The following CACNA1E variants were observed in gnomAD, a reference collection of about 807,000 sequenced individuals.
CACNA1E encodes voltage-dependent R-type calcium channel subunit alpha-1E.
Under a neutral mutation model 259.2 loss-of-function variants are expected in CACNA1E, and 40 were observed. The observed-to-expected ratio is 0.15, with a 90% CI of 0.12 to 0.20. CACNA1E has a LOEUF of 0.20. Among genes scored for constraint, CACNA1E ranks in the 10% least tolerant of loss-of-function variants. The pLI is 1.00. For synonymous variants in CACNA1E, 1,104 were observed against 1,138.5 expected, an observed-to-expected ratio of 0.97 and a Z score of 0.61; for missense variants, 1,874 against 3,040.1, an observed-to-expected ratio of 0.62 and a Z score of 9.02.
At position 181,367,059 on chromosome 1, in the gene CACNA1E, G is replaced by A. The variant is rs116505422; in HGVS notation, c.-14-46074G>A. ...TAGCTACTTTGGGAGCTACCGATGG[G>A]TGGGCCCAGAGCGGGCCCTGGACAC... On this transcript the variant is annotated intron_variant, in intron 1 of 11. Transcript: ENST00000524607. 5.0e-3 allele frequency among the ~76,000 whole-genome samples: 757 copies of A among 152,288 alleles called. 7 individuals carry two copies. Among genetic ancestry groups the A allele is most frequent in the African/African-American group, 0.017 (722 of 41,550 alleles).
chr1:181,755,530 T>C (rs1201741337), intron 28 of CACNA1E, 133 bp downstream of exon 28: 5 of 739,338 alleles, frequency 6.8e-6, no homozygotes, highest in Non-Finnish European at 8.9e-6. Context: ...AAAGACAAAA[T>C]GGAATCAATA....
chr1:181,750,308 G>A (rs1657477806), intron 25 of CACNA1E, among the ~76,000 whole-genome samples, 168 bp from the exon 26 acceptor site: 1 of 152,250 alleles, frequency 6.6e-6, no homozygotes, highest in South Asian at 2.1e-4. Context: ...AAGTGCCAAG[G>A]CTGTGGGTGG....
At chr1:181,563,873 C>T (rs77472889) in intron 3 of CACNA1E, among the ~76,000 whole-genome samples, 103 of 152,252 alleles carry the variant, frequency 6.8e-4, no homozygotes, top group Non-Finnish European at 1.3e-3. Flanking sequence ...TTTGGTTTTC[C>T]AGTGCATATA....
intron 1 of CACNA1E, among the ~76,000 whole-genome samples, chr1:181,504,287 G>C (rs1368328203): frequency 1.3e-5 from 2 of 152,138 alleles, no homozygotes; most frequent in African/African-American, 2.4e-5. Context: ...TACCCCCCCA[G>C]GAGTTTCCAG....
intron 1 of CACNA1E, among the ~76,000 whole-genome samples, chr1:181,386,134 A>G (rs902586649): frequency 6.6e-6 from 1 of 152,218 alleles, no homozygotes; most frequent in Non-Finnish European, 1.5e-5. Flanking sequence ...TGTTCTAGGC[A>G]CTTGGTATAA....
At chr1:181,773,690 C>T (rs1659721668) in intron 37 of CACNA1E, among the ~76,000 whole-genome samples, 2 of 152,196 alleles carry the variant, frequency 1.3e-5, no homozygotes, top group Admixed American at 1.3e-4. Flanking sequence ...GAAACCAGCT[C>T]ACAGCTTCCA....
At chr1:181,665,801 C>T (rs1648166352) in intron 7 of CACNA1E, among the ~76,000 whole-genome samples, 1 of 152,092 alleles carries the variant, frequency 6.6e-6, no homozygotes, top group African/African-American at 2.4e-5. Flanking sequence ...TGCTAAGAGA[C>T]AGACCTGGAT....
rs1011230950 is a variant in CACNA1E, at chr1:181,807,978, T to G, written c.*9144T>G. ...AAGGTTGGTTTGTAAGCCATTTACA[T>G]GGATTGATGATTTCTGTTCTTGTTT... On this transcript the variant is annotated 3_prime_UTR_variant, in exon 48 of 48. Coordinates refer to ENST00000367573, the MANE Select transcript of CACNA1E (RefSeq NM_001205293.3). The G allele has an allele frequency of 1.6e-4, 25 of 152,194 alleles. No homozygotes were observed. The highest frequency in any genetic ancestry group is 6.0e-4 in the African/African-American group (25 of 41,464). 9.4% of individuals were successfully genotyped at this position (152,194 alleles called of 1,614,324 possible). A position where few individuals can be genotyped will look rare whatever the true frequency, so the allele number is the denominator to read the frequency against.
chr1:181,457,003 T>C (rs1255371184), intron 2 of CACNA1E, among the ~76,000 whole-genome samples: 1 of 152,254 alleles, frequency 6.6e-6, no homozygotes, highest in Admixed American at 6.5e-5. Flanking sequence ...TGCTCACTTT[T>C]CTACTGAAAG....
rs759120304 is a variant in CACNA1E at position 181,781,496 on chromosome 1, G to C, written c.5337G>C (p.Lys1779Asn). 1 of 1,589,134 alleles carries C rather than the reference G, an allele frequency of 6.3e-7. No individual in the cohort carries two copies. ...TLMSPPLGLG[K>N]RCPSKVAYKR... Reference sequence around the variant, plus strand: ...TGTCACCTCCGCTAGGCCTCGGCAAGAGATGTCCCTCCAAAGTGGCATATA... The same window carrying C: ...TGTCACCTCCGCTAGGCCTCGGCAACAGATGTCCCTCCAAAGTGGCATATA... Residue 1779 changes from lysine to asparagine, a missense_variant, in exon 39 of 48, where the codon AAG (lysine) becomes AAC (asparagine). Coordinates refer to ENST00000367573, the MANE Select transcript of CACNA1E (RefSeq NM_001205293.3).
intron 6 of CACNA1E, among the ~76,000 whole-genome samples, chr1:181,642,694 C>T (rs1469355170): frequency 6.6e-6 from 1 of 152,168 alleles, no homozygotes; most frequent in Non-Finnish European, 1.5e-5. Flanking sequence ...TTAATCCTCT[C>T]TTAAATTCAC....
intron 27 of CACNA1E, among the ~76,000 whole-genome samples, chr1:181,755,036 G>T (rs1450506575): frequency 6.6e-6 from 1 of 152,118 alleles, no homozygotes; most frequent in Non-Finnish European, 1.5e-5. Context: ...CCCATCCCAG[G>T]TGGTAGGTCC....
chr1:181,543,781 C>T (rs983854586), intron 3 of CACNA1E, among the ~76,000 whole-genome samples: 6 of 152,266 alleles, frequency 3.9e-5, no homozygotes, highest in Admixed American at 6.5e-5. Flanking sequence ...ATAAAAACCA[C>T]GATAAGATAC....
In CACNA1E at chr1:181,397,993, G is replaced by A. The variant is rs74508267; in HGVS notation, c.-14-15140G>A. Among the ~76,000 whole-genome samples the A allele has an allele frequency of 8.4e-3, 1,275 of 152,332 alleles. 7 individuals are homozygous for A. The highest frequency in any genetic ancestry group is 0.014 in the South Asian group (69 of 4,830). On this transcript the variant is annotated intron_variant, in intron 1 of 11. Coordinates refer to the CACNA1E transcript ENST00000524607. ...CAGGAACAAATCAATTAGCCAGCCT[G>A]CTGCTAATGTGCAAATGTCACCTTA...
At chr1:181,339,163 C>T (rs981258969) in intron 1 of CACNA1E, among the ~76,000 whole-genome samples, 1 of 152,044 alleles carries the variant, frequency 6.6e-6, no homozygotes, top group Non-Finnish European at 1.5e-5. Context: ...TGATTCCATA[C>T]AGATTTTAGA....
Position 181,805,461 on chromosome 1 carries a change from C to A in CACNA1E, c.*6627C>A, listed in dbSNP as rs1002020709. ...AAGGTAATATGAAATGAGGGCTAAACAATGTAATATAACTGCCAGTTAAGG... is the reference window on the plus strand; with the variant it reads ...AAGGTAATATGAAATGAGGGCTAAAAAATGTAATATAACTGCCAGTTAAGG... On this transcript the variant is annotated 3_prime_UTR_variant, in exon 48 of 48. Transcript: ENST00000367573. 1.3e-5 allele frequency: 2 copies of A among 152,180 alleles called. No homozygotes were observed. Among genetic ancestry groups the A allele is most frequent in the Non-Finnish European group, 2.9e-5 (2 of 68,032 alleles). The allele number at this position is 152,180 out of a possible 1,614,324, so 9.4% of individuals were successfully genotyped here. A position where few individuals can be genotyped will look rare whatever the true frequency, so the allele number is the denominator to read the frequency against.
Position 181,473,262 on chromosome 1 carries a change from C to A in CACNA1E, c.435-10482C>A, listed in dbSNP as rs140763594. On this transcript the variant is annotated intron_variant, in intron 2 of 11. Coordinates refer to the CACNA1E transcript ENST00000524607. ...AGATAGCTAACTGAGGCTGGCCTAC[C>A]AGGGAGCTCAGGGTTGGGACATTTT... Among the ~76,000 whole-genome samples the A allele has an allele frequency of 3.8e-3, 583 of 152,280 alleles. 1 individual carries two copies. Among genetic ancestry groups the A allele is most frequent in the African/African-American group, 0.012 (502 of 41,556 alleles).
At chr1:181,341,784 T>A (rs1272121384) in intron 1 of CACNA1E, among the ~76,000 whole-genome samples, 1 of 152,238 alleles carries the variant, frequency 6.6e-6, no homozygotes, top group Non-Finnish European at 1.5e-5. Flanking sequence ...ACTGGACTAC[T>A]TACATGGCTA....
At chr1:181,774,628 C>A (rs1285180046) in intron 37 of CACNA1E, among the ~76,000 whole-genome samples, 1 of 152,236 alleles carries the variant, frequency 6.6e-6, no homozygotes, top group Non-Finnish European at 1.5e-5. Flanking sequence ...CTCCAGCCAT[C>A]CATCTCTACT....
Sources: allele counts gnomAD v4.1 joint callset (sites outside exome capture counted in the v4.1 genomes callset), GRCh38; gene constraint gnomAD v4.1.1; transcripts MANE v1.5; gene names NCBI Gene and HGNC (gene_info 2026-07-23, HGNC 2026-07-21).